Variants in GRIA1 observed in about 807,000 individuals in gnomAD.
GRIA1 encodes the protein glutamate receptor 1.
GRIA1 carries 31 observed loss-of-function variants against 99.2 expected under a neutral mutation model. The ratio of observed to expected loss-of-function variants is 0.31; its 90% CI spans 0.23 to 0.42. The LOEUF (loss-of-function observed/expected upper bound fraction) is 0.42, where lower values mean the gene tolerates loss of function less well. Among genes scored for constraint, GRIA1 ranks in the 10% least tolerant of loss-of-function variants. GRIA1 has a pLI of 1.00. For missense variants in GRIA1, 782 were observed against 1,157.5 expected, an observed-to-expected ratio of 0.68 and a Z score of 4.71; for synonymous variants, 438 against 432.4, an observed-to-expected ratio of 1.01 and a Z score of -0.16.
At chr5:153,511,473 T>G (rs573695518) in intron 2 of GRIA1, among the ~76,000 whole-genome samples, 1 of 152,330 alleles carries the variant, frequency 6.6e-6, no homozygotes, top group Admixed American at 6.5e-5. Context: ...AACCAGTTTT[T>G]GTTTTTTGGG....
intron 2 of GRIA1, among the ~76,000 whole-genome samples, chr5:153,585,928 T>G (rs1163149971): frequency 1.3e-5 from 2 of 152,028 alleles, no homozygotes; most frequent in African/African-American, 4.8e-5. Context: ...CCTTAACACC[T>G]GAGTCTGATG....
At chr5:153,794,231 C>T (rs953423799) in intron 13 of GRIA1, among the ~76,000 whole-genome samples, 17 of 152,172 alleles carry the variant, frequency 1.1e-4, no homozygotes, top group African/African-American at 3.6e-4. Flanking sequence ...ACTCCTTTGA[C>T]CCTTGAACAT....
intron 11 of GRIA1, among the ~76,000 whole-genome samples, chr5:153,722,227 AG>A (rs1339503740): frequency 6.6e-6 from 1 of 150,508 alleles, no homozygotes; most frequent in Admixed American, 6.6e-5. Flanking sequence ...GTCCTTTTTT[AG>A]TTGTATATAT....
In GRIA1 at chr5:153,716,013, G is replaced by C. The variant is rs144189519; in HGVS notation, c.1823+9946G>C. On this transcript the variant is annotated intron_variant, in intron 11 of 15. Coordinates refer to ENST00000285900, the MANE Select transcript of GRIA1 (RefSeq NM_000827.4). ...AGAATTGGAGATAAAGAAATAAAAG[G>C]AACCAGAAAATAAAGTTACCTTGTC... Among the ~76,000 whole-genome samples the C allele has an allele frequency of 8.8e-4, 134 of 152,268 alleles. 1 individual carries two copies. The highest frequency in any genetic ancestry group is 3.4e-3 in the Middle Eastern group (1 of 294).
At chr5:153,514,049 A>C (rs1251140704) in intron 2 of GRIA1, among the ~76,000 whole-genome samples, 1 of 152,148 alleles carries the variant, frequency 6.6e-6, no homozygotes, top group East Asian at 1.9e-4. Flanking sequence ...GGCCTAAAAA[A>C]CTTCTAGACA....
chr5:153,539,828 A>G (rs1381084920), intron 2 of GRIA1, among the ~76,000 whole-genome samples: 1 of 152,244 alleles, frequency 6.6e-6, no homozygotes, highest in Non-Finnish European at 1.5e-5. Flanking sequence ...AGCCTGTATG[A>G]TAAACTGAAG....
rs143413189 is a variant in GRIA1 at position 153,776,855 on chromosome 5, C to T, written c.2270+6440C>T. On this transcript the variant is annotated intron_variant, in intron 13 of 15. Coordinates refer to ENST00000285900, the MANE Select transcript of GRIA1 (RefSeq NM_000827.4). ...TAGTTGCTCATCCCCCATACTGGGA[C>T]GATAAAACATGCTTGTATCTTCCAT... Among the ~76,000 whole-genome samples, 446 of 152,246 alleles carry T rather than the reference C, an allele frequency of 2.9e-3. 4 individuals are homozygous for T. The highest frequency in any genetic ancestry group is 0.01 in the African/African-American group (432 of 41,556).
In GRIA1 at chr5:153,577,149, GA is replaced by G. The variant is rs1445975605; in HGVS notation, c.221-69778del. ...GAATGGGTGGATGGATGGATGGATG[GA>G]TGGTTGGATGGATGGATGGATGGAT... On this transcript the variant is annotated intron_variant, in intron 2 of 15. Transcript: ENST00000285900. Among the ~76,000 whole-genome samples, 19 of 86,664 alleles carry G rather than the reference GA, an allele frequency of 2.2e-4. 2 individuals carry two copies. The highest frequency in any genetic ancestry group is 3.1e-4 in the Admixed American group (2 of 6,556). 56.9% of individuals were successfully genotyped at this position (86,664 alleles called of 152,430 possible). A position where few individuals can be genotyped will look rare whatever the true frequency, so the allele number is the denominator to read the frequency against.
intron 11 of GRIA1, among the ~76,000 whole-genome samples, chr5:153,735,031 A>G (rs567063626): frequency 8.5e-5 from 13 of 152,214 alleles, no homozygotes; most frequent in Non-Finnish European, 1.6e-4. Context: ...ACTGGTGTCT[A>G]ATGGGTACAG....
chr5:153,603,675 C>G (rs928265334), intron 2 of GRIA1, among the ~76,000 whole-genome samples: 1 of 152,144 alleles, frequency 6.6e-6, no homozygotes, highest in Non-Finnish European at 1.5e-5. Flanking sequence ...GTCTGTATAT[C>G]TTATATTAGG....
At chr5:153,626,044 C>T (rs1035779989) in intron 2 of GRIA1, among the ~76,000 whole-genome samples, 4 of 152,200 alleles carry the variant, frequency 2.6e-5, no homozygotes, top group African/African-American at 7.2e-5. Flanking sequence ...GGAGGGAGAC[C>T]TGACTCTGCA....
At chr5:153,658,081 A>G (rs1755084584) in intron 5 of GRIA1, among the ~76,000 whole-genome samples, 1 of 152,178 alleles carries the variant, frequency 6.6e-6, no homozygotes, top group Non-Finnish European at 1.5e-5. Flanking sequence ...AAGGTCACAC[A>G]GTGAGGCAGC....
At chr5:153,555,809 A>G (rs1233075065) in intron 2 of GRIA1, among the ~76,000 whole-genome samples, 1 of 152,224 alleles carries the variant, frequency 6.6e-6, no homozygotes, top group Admixed American at 6.5e-5. Context: ...CCCCAGCTGA[A>G]AGTCGAATCA....
intron 8 of GRIA1, among the ~76,000 whole-genome samples, chr5:153,695,822 G>A (rs1320095700): frequency 1.3e-5 from 2 of 152,146 alleles, no homozygotes; most frequent in African/African-American, 4.8e-5. Context: ...TCAGACCTCC[G>A]AGCTGTCTCA....
intron 13 of GRIA1, among the ~76,000 whole-genome samples, chr5:153,792,195 T>G (rs1379763069): frequency 6.6e-6 from 1 of 152,188 alleles, no homozygotes; most frequent in Non-Finnish European, 1.5e-5. Flanking sequence ...TTGTTGGACC[T>G]GATTGTGAGA....
At chr5:153,755,147 C>T (rs574203638) in intron 11 of GRIA1, among the ~76,000 whole-genome samples, 5 of 152,010 alleles carry the variant, frequency 3.3e-5, no homozygotes, top group African/African-American at 1.2e-4. Context: ...GAGCCAGGGG[C>T]CAGATCACAC....
intron 2 of GRIA1, among the ~76,000 whole-genome samples, chr5:153,623,886 G>A (rs141001514): frequency 0.011 from 1,644 of 152,256 alleles, 27 homozygotes; most frequent in African/African-American, 0.036. Flanking sequence ...GTTTTATGGC[G>A]TCAGTAAGAT....
At chr5:153,585,310 T>G (rs1458367265) in intron 2 of GRIA1, among the ~76,000 whole-genome samples, 6 of 135,362 alleles carry the variant, frequency 4.4e-5, no homozygotes, top group Non-Finnish European at 9.5e-5. Context: ...TTTTTTTTTT[T>G]TTTTTTTTTT....
At chr5:153,494,313 T>C in intron 2 of GRIA1, 1 of 473,722 alleles carries the variant, frequency 2.1e-6, no homozygotes, top group South Asian at 2.7e-5. Flanking sequence ...GCACGATGGG[T>C]GCTTGGGTTG....
Sources: allele counts gnomAD v4.1 joint callset (sites outside exome capture counted in the v4.1 genomes callset), GRCh38; gene constraint gnomAD v4.1.1; transcripts MANE v1.5; gene names NCBI Gene and HGNC (gene_info 2026-07-23, HGNC 2026-07-21).